FBN2: variants seen among roughly 807,000 people sequenced by gnomAD.
The protein encoded by FBN2 is fibrillin 2, also known as fibrillin-2.
Under a neutral mutation model 355.6 loss-of-function variants are expected in FBN2, and 105 were observed. The ratio of observed to expected loss-of-function variants is 0.30; its 90% CI spans 0.25 to 0.35. FBN2 has a LOEUF of 0.35. Ranked by LOEUF, FBN2 falls within the 10% of genes least tolerant of loss-of-function variation. The probability of loss-of-function intolerance (pLI) is 1.00; values close to 1 mark genes in which losing one functional copy is unlikely to be tolerated. For synonymous variants in FBN2, 1,350 were observed against 1,301.2 expected, an observed-to-expected ratio of 1.04 and a Z score of -0.81; for missense variants, 3,280 against 3,758.7, an observed-to-expected ratio of 0.87 and a Z score of 3.33.
At chr5:128,485,444 T>C (rs563754336) in intron 5 of FBN2, among the ~76,000 whole-genome samples, 2 of 152,266 alleles carry the variant, frequency 1.3e-5, no homozygotes, top group African/African-American at 2.4e-5. Context: ...ATTTATGCAA[T>C]AGAATCAATT....
chr5:128,335,118 GGTGTGTGTGCATGTGT>G (rs1750799955), intron 30 of FBN2, 36 bp downstream of exon 30: 1 of 1,609,156 alleles, frequency 6.2e-7, no homozygotes, highest in Non-Finnish European at 8.5e-7. Flanking sequence ...TGTGCATGTG[GGTGTGTGTGCATGTGT>G]GTGTATAAAT....
chr5:128,468,002 G>A (rs920736484), intron 5 of FBN2, among the ~76,000 whole-genome samples: 2 of 152,132 alleles, frequency 1.3e-5, no homozygotes, highest in Admixed American at 6.5e-5. Context: ...TGTTTTAAGT[G>A]TAAAATTCAA....
intron 21 of FBN2, among the ~76,000 whole-genome samples, chr5:128,350,371 T>C (rs1318969640): frequency 1.3e-5 from 2 of 152,070 alleles, no homozygotes; most frequent in Non-Finnish European, 2.9e-5. Flanking sequence ...ACCAACATGG[T>C]GAAACCCCGT....
chr5:128,343,026 C>A (rs906901917), intron 25 of FBN2, among the ~76,000 whole-genome samples: 1 of 151,980 alleles, frequency 6.6e-6, no homozygotes, highest in Non-Finnish European at 1.5e-5. Flanking sequence ...CCATGCCCAG[C>A]GGGATAAAGG....
At chr5:128,519,404 C>T in intron 4 of FBN2, 36 bp from the exon 5 acceptor site, 1 of 1,516,194 alleles carries the variant, frequency 6.6e-7, no homozygotes, top group Non-Finnish European at 9.2e-7. Flanking sequence ...CATTATATAG[C>T]CAGTCTCCAA....
intron 8 of FBN2, among the ~76,000 whole-genome samples, chr5:128,397,798 C>T (rs935676918): frequency 1.3e-5 from 2 of 152,000 alleles, no homozygotes; most frequent in Non-Finnish European, 2.9e-5. Flanking sequence ...TATTAAACTC[C>T]GGAGACTGTG....
At chr5:128,373,994 G>T (rs1752015680) in intron 15 of FBN2, among the ~76,000 whole-genome samples, 1 of 151,956 alleles carries the variant, frequency 6.6e-6, no homozygotes. Flanking sequence ...GTGAAACCAA[G>T]TTTACTTACC....
At chr5:128,404,228 C>T (rs536164135) in intron 8 of FBN2, among the ~76,000 whole-genome samples, 12 of 152,260 alleles carry the variant, frequency 7.9e-5, no homozygotes, top group Middle Eastern at 3.4e-3. Context: ...TCAAAGATCT[C>T]GTACACATTA....
At position 128,341,890 on chromosome 5, in the gene FBN2, G is replaced by A. The variant is rs147554309; in HGVS notation, c.3343+2495C>T. 2.9e-3 allele frequency among the ~76,000 whole-genome samples: 437 copies of A among 152,294 alleles called. 3 individuals carry two copies. The highest frequency in any genetic ancestry group is 8.4e-3 in the African/African-American group (351 of 41,562). ...AATAGCCAGTTTAATGAAAGAATTC[G>A]CATAACTTTTTCACTTTGGGAGAGA... On this transcript the variant is annotated intron_variant, in intron 25 of 64. Transcript: ENST00000262464.
chr5:128,430,016 A>G (rs1481304502), intron 7 of FBN2, among the ~76,000 whole-genome samples: 4 of 152,158 alleles, frequency 2.6e-5, no homozygotes, highest in East Asian at 1.9e-4. Flanking sequence ...CTTTTTTCAC[A>G]TATCATTTAA....
intron 7 of FBN2, among the ~76,000 whole-genome samples, chr5:128,423,100 T>C (rs1037080324): frequency 9.2e-5 from 14 of 151,540 alleles, no homozygotes; most frequent in Non-Finnish European, 1.6e-4. Context: ...TAGTGAAAGG[T>C]AGTGAGAGAA....
At chr5:128,517,473 C>T (rs1232721499) in intron 5 of FBN2, among the ~76,000 whole-genome samples, 1 of 151,902 alleles carries the variant, frequency 6.6e-6, no homozygotes, top group African/African-American at 2.4e-5. Flanking sequence ...TTTTCTTTCC[C>T]AAATAAAAGC....
chr5:128,444,047 A>G (rs1581301234), intron 7 of FBN2, among the ~76,000 whole-genome samples: 1 of 132,994 alleles, frequency 7.5e-6, no homozygotes. Flanking sequence ...AGCAAATATC[A>G]CTTGTTCTTT....
chr5:128,331,620 G>A (rs926497365), intron 32 of FBN2, among the ~76,000 whole-genome samples: 1 of 152,168 alleles, frequency 6.6e-6, no homozygotes, highest in African/African-American at 2.4e-5. Flanking sequence ...TGGATTGCAG[G>A]AGGGCCAGAG....
chr5:128,289,014 T>C (rs1749241480), intron 52 of FBN2, 113 bp downstream of exon 52: 1 of 1,108,082 alleles, frequency 9.0e-7, no homozygotes. Context: ...CTACTAGCTA[T>C]TTATCCTGGA....
At chr5:128,401,162 A>G (rs1269146321) in intron 8 of FBN2, among the ~76,000 whole-genome samples, 1 of 152,144 alleles carries the variant, frequency 6.6e-6, no homozygotes, top group Non-Finnish European at 1.5e-5. Context: ...GACTAATATA[A>G]ATGTCAATCA....
chr5:128,278,082 TGAA>T (rs1204738562), intron 57 of FBN2, 77 bp from the exon 58 acceptor site: 4 of 1,486,556 alleles, frequency 2.7e-6, no homozygotes, highest in Non-Finnish European at 3.7e-6. Context: ...CAAAGAGAAA[TGAA>T]GAAATGGAGA....
Position 128,285,183 on chromosome 5 carries a change from G to A in FBN2, c.7012+1535C>T, listed in dbSNP as rs868618110. Among the ~76,000 whole-genome samples, 186 of 136,350 alleles carry A rather than the reference G, an allele frequency of 1.4e-3. 2 individuals carry two copies. Among genetic ancestry groups the A allele is most frequent in the African/African-American group, 4.8e-4 (18 of 37,358 alleles). 89.5% of individuals were successfully genotyped at this position (136,350 alleles called of 152,430 possible). ...CTTAACTGTAATACTTTTAGTTTCC[G>A]TTGCAATCGACTTTTTTGGGTAAGT... On this transcript the variant is annotated intron_variant, in intron 55 of 64. Coordinates refer to ENST00000262464, the MANE Select transcript of FBN2 (RefSeq NM_001999.4).
rs142674464 is a variant in FBN2 at position 128,322,635 on chromosome 5, T to C, written c.4472-3634A>G. Among the ~76,000 whole-genome samples the C allele has an allele frequency of 4.0e-3, 603 of 152,296 alleles. 4 individuals are homozygous for C. The highest frequency in any genetic ancestry group is 0.014 in the African/African-American group (568 of 41,566). ...TTTCTGAGGGCTCTGTTCTGTTCCA[T>C]TGGTCTGTATCTCTGTTTTGGTACC... On this transcript the variant is annotated intron_variant, in intron 34 of 64. Coordinates refer to ENST00000262464, the MANE Select transcript of FBN2 (RefSeq NM_001999.4).
Sources: allele counts gnomAD v4.1 joint callset (sites outside exome capture counted in the v4.1 genomes callset), GRCh38; gene constraint gnomAD v4.1.1; transcripts MANE v1.5; gene names NCBI Gene and HGNC (gene_info 2026-07-23, HGNC 2026-07-21).